PIK3C2A: variants seen among roughly 807,000 people sequenced by gnomAD.
The protein encoded by PIK3C2A is phosphatidylinositol 4-phosphate 3-kinase C2 domain-containing subunit alpha.
PIK3C2A carries 97 observed loss-of-function variants against 204.5 expected under a neutral mutation model. That is an observed-to-expected ratio of 0.47 (90% CI 0.40 to 0.56). The LOEUF (loss-of-function observed/expected upper bound fraction) is 0.56. PIK3C2A is among the 20% of genes least tolerant of loss of function. The pLI, the probability that PIK3C2A is intolerant of heterozygous loss-of-function variation, is 0.00. For synonymous variants in PIK3C2A, 653 were observed against 664.4 expected, an observed-to-expected ratio of 0.98 and a Z score of 0.26; for missense variants, 1,735 against 1,969.2, an observed-to-expected ratio of 0.88 and a Z score of 2.25.
chr11:17,123,033 T>G lies in PIK3C2A; in HGVS notation c.2400-220A>C, dbSNP rs867102527. Among the ~76,000 whole-genome samples the G allele has an allele frequency of 2.0e-4, 30 of 152,114 alleles. No individual in the cohort carries two copies. In the Middle Eastern group the frequency reaches 0.014, roughly 69 times the overall value. ...AGGGTGGGAACAAAGAGAGGGAGAA[T>G]TAAAGGACATTATCTTGGGGAAAAT... On this transcript the variant is annotated intron_variant, in intron 13 of 32. Coordinates refer to ENST00000691414, the MANE Select transcript of PIK3C2A (RefSeq NM_002645.4).
At chr11:17,107,072 G>A (rs771525264) in intron 22 of PIK3C2A, among the ~76,000 whole-genome samples, 36 of 152,158 alleles carry the variant, frequency 2.4e-4, no homozygotes, top group Non-Finnish European at 4.4e-4. Context: ...CCAGCACTTT[G>A]GGAGGCCGAG....
chr11:17,197,751 C>T (rs1477943891), intron 1 of PIK3C2A, among the ~76,000 whole-genome samples: 2 of 152,146 alleles, frequency 1.3e-5, no homozygotes, highest in Non-Finnish European at 2.9e-5. Context: ...ATTCACTTGA[C>T]ATGAATCATT....
At chr11:17,199,676 C>T (rs1852295764) in intron 1 of PIK3C2A, among the ~76,000 whole-genome samples, 1 of 152,196 alleles carries the variant, frequency 6.6e-6, no homozygotes, top group Non-Finnish European at 1.5e-5. Flanking sequence ...GGCACAGGGG[C>T]TCACGCCTGT....
At chr11:17,171,741 T>G (rs77020464) in intron 1 of PIK3C2A, among the ~76,000 whole-genome samples, 159 of 152,248 alleles carry the variant, frequency 1.0e-3, no homozygotes, top group African/African-American at 3.7e-3. Flanking sequence ...ACAAAGCACT[T>G]AGAGGAAAGT....
intron 25 of PIK3C2A, 121 bp from the exon 26 acceptor site, chr11:17,100,090 G>A (rs959253123): frequency 5.6e-6 from 3 of 538,554 alleles, no homozygotes; most frequent in Non-Finnish European, 9.9e-6. Flanking sequence ...AGTCTTGAGG[G>A]GTTCATTAGT....
chr11:17,118,698 T>C lies in PIK3C2A; in HGVS notation c.2982A>G (p.Gln994=). 1 of 1,569,462 alleles carries C rather than the reference T, an allele frequency of 6.4e-7. No individual in the cohort carries two copies. Residue 994 remains glutamine, a synonymous_variant, in exon 18 of 33, where the codon CAA becomes CAG. Transcript: ENST00000691414. ...YEIYLNSSLV[Q]FLLSRALGNI... is the part of the protein sequence containing the mutation. ...TTCCCAATGCCCTGGACAAAAGGAA[T>C]TGCACTAATGAACTATTCAAGTAAA...
rs1467765049 is a variant in PIK3C2A at position 17,122,891 on chromosome 11, GAA to G, written c.2400-80_2400-79del. The G allele has an allele frequency of 6.1e-6, 4 of 655,586 alleles. No homozygotes were observed. The Admixed American group carries it at 8.7e-5, about 14-fold the overall frequency. The allele number at this position is 655,586 out of a possible 1,614,324, so 40.6% of individuals were successfully genotyped here. A position where few individuals can be genotyped will look rare whatever the true frequency, so the allele number is the denominator to read the frequency against. On this transcript the variant is annotated intron_variant, in intron 13 of 32. Transcript: ENST00000691414. ...AATTTACAACACATGTAATGAATTTGAAAAGTTAGTATGAGATCAACTAAATA... is the reference window on the plus strand; with the variant it reads ...AATTTACAACACATGTAATGAATTTGAAGTTAGTATGAGATCAACTAAATA...
In PIK3C2A at chr11:17,091,229, G is replaced by C. The variant is rs927769343; in HGVS notation, c.4878+105C>G. The C allele has an allele frequency of 9.5e-6, 9 of 948,068 alleles. No individual in the cohort carries two copies. In the African/African-American group the frequency reaches 9.9e-5, roughly 10 times the overall value. 58.7% of individuals were successfully genotyped at this position (948,068 alleles called of 1,614,324 possible). On this transcript the variant is annotated intron_variant, in intron 32 of 32. Coordinates refer to ENST00000691414, the MANE Select transcript of PIK3C2A (RefSeq NM_002645.4). ...TATGCAGACCACAATGGTACGTTTA[G>C]CTATGTAACAAACTTGCACATCCTG...
At position 17,167,335 on chromosome 11, in the gene PIK3C2A, C is replaced by T. The variant is rs927063690; in HGVS notation, c.1065+1342G>A. ...CCAAAATGTTTTTTTTTTAAGTCAA[C>T]AATTTGGCCGGGCATGGTGGCTCAC... On this transcript the variant is annotated intron_variant, in intron 2 of 32. Transcript: ENST00000691414. Among the ~76,000 whole-genome samples, 9 of 151,900 alleles carry T rather than the reference C, an allele frequency of 5.9e-5. 1 individual carries two copies. The highest frequency in any genetic ancestry group is 5.9e-4 in the Admixed American group (9 of 15,244).
Position 17,098,969 on chromosome 11 carries a change from C to G in PIK3C2A, c.4118+891G>C, listed in dbSNP as rs183948791. ...GGAGTGCAATGGCGCAATCTCGGCT[C>G]ATCACAACCTCCATCTCCCAGGTTC... On this transcript the variant is annotated intron_variant, in intron 26 of 32. Transcript: ENST00000691414. 7.2e-5 allele frequency among the ~76,000 whole-genome samples: 11 copies of G among 152,344 alleles called. No homozygotes were observed. The East Asian group carries it at 1.9e-3, about 27-fold the overall frequency.
chr11:17,168,057 T>C (rs1851029732), intron 2 of PIK3C2A, among the ~76,000 whole-genome samples: 1 of 151,874 alleles, frequency 6.6e-6, no homozygotes, highest in South Asian at 2.1e-4. Context: ...GAAGGGAGCA[T>C]ATGTAATGAG....
chr11:17,140,004 T>G (rs928994233), intron 8 of PIK3C2A, among the ~76,000 whole-genome samples: 6 of 152,210 alleles, frequency 3.9e-5, no homozygotes, highest in Admixed American at 2.6e-4. Context: ...CTATAGGATA[T>G]TAAACCAAAC....
intron 3 of PIK3C2A, among the ~76,000 whole-genome samples, chr11:17,151,498 G>C (rs1850425740): frequency 6.6e-6 from 1 of 152,166 alleles, no homozygotes; most frequent in African/African-American, 2.4e-5. Flanking sequence ...AAAACAGCTT[G>C]AGATGACAGA....
At chr11:17,164,883 T>C (rs765011059) in intron 2 of PIK3C2A, among the ~76,000 whole-genome samples, 1 of 152,166 alleles carries the variant, frequency 6.6e-6, no homozygotes, top group Non-Finnish European at 1.5e-5. Flanking sequence ...TCCTCCAAGA[T>C]ACTTTCTGAA....
At chr11:17,140,936 A>C (rs1850043283) in intron 8 of PIK3C2A, among the ~76,000 whole-genome samples, 1 of 152,196 alleles carries the variant, frequency 6.6e-6, no homozygotes, top group South Asian at 2.1e-4. Flanking sequence ...AAAAAGTGTA[A>C]GGGTGAGCCA....
chr11:17,181,761 C>G (rs557175987), intron 1 of PIK3C2A, among the ~76,000 whole-genome samples: 1 of 151,048 alleles, frequency 6.6e-6, no homozygotes, highest in Admixed American at 6.6e-5. Flanking sequence ...TTTAAGAATG[C>G]TTACATTATG....
In PIK3C2A at chr11:17,131,884, TG is replaced by T. The variant is rs772869755; in HGVS notation, c.2231+31del. On this transcript the variant is annotated intron_variant, in intron 12 of 32. Transcript: ENST00000691414. ...GGAAAAAGTAAACAACAGGACACACTGAAAGAATAAAAAGCCAGAAATTTCA... is the reference window on the plus strand; with the variant it reads ...GGAAAAAGTAAACAACAGGACACACTAAAGAATAAAAAGCCAGAAATTTCA... 1.0e-5 allele frequency: 16 copies of T among 1,583,048 alleles called. No homozygotes were observed. The Admixed American group carries it at 2.9e-4, about 29-fold the overall frequency.
intron 13 of PIK3C2A, among the ~76,000 whole-genome samples, chr11:17,127,969 A>G (rs1849575051): frequency 3.3e-5 from 5 of 152,160 alleles, no homozygotes; most frequent in Admixed American, 3.3e-4. Flanking sequence ...TCAAATCCCA[A>G]TTCTACCACA....
Position 17,129,471 on chromosome 11 carries a change from T to C in PIK3C2A, c.2232-4A>G, listed in dbSNP as rs1330402439. On this transcript the variant is annotated splice_region_variant and splice_polypyrimidine_tract_variant and intron_variant, in intron 12 of 32. Coordinates refer to ENST00000691414, the MANE Select transcript of PIK3C2A (RefSeq NM_002645.4). ...TATCTGGATAGGAAAAATGATTCTATGGGGGGAAAAATGTATTAATAGAAC... is the reference window on the plus strand; with the variant it reads ...TATCTGGATAGGAAAAATGATTCTACGGGGGGAAAAATGTATTAATAGAAC... 6.3e-7 allele frequency: 1 copy of C among 1,578,828 alleles called. No individual in the cohort carries two copies. The highest frequency in any genetic ancestry group is 1.1e-5 in the South Asian group (1 of 89,510).
Sources: allele counts gnomAD v4.1 joint callset (sites outside exome capture counted in the v4.1 genomes callset), GRCh38; gene constraint gnomAD v4.1.1; transcripts MANE v1.5; gene names NCBI Gene and HGNC (gene_info 2026-07-23, HGNC 2026-07-21).